The following TLK1 variants were observed in gnomAD, a reference collection of about 807,000 sequenced individuals.
TLK1 encodes the protein serine/threonine-protein kinase tousled-like 1.
A neutral mutation model predicts 105.3 loss-of-function variants in TLK1; 24 were observed. The ratio of observed to expected loss-of-function variants is 0.23; its 90% CI spans 0.17 to 0.32. TLK1 has a LOEUF of 0.32. Ranked by LOEUF, TLK1 falls within the 10% of genes least tolerant of loss-of-function variation. TLK1 has a pLI of 1.00. For missense variants in TLK1, 558 were observed against 910.5 expected, an observed-to-expected ratio of 0.61 and a Z score of 4.98; for synonymous variants, 321 against 310.4, an observed-to-expected ratio of 1.03 and a Z score of -0.36.
chr2:171,078,739 A>G (rs955408223), intron 3 of TLK1, among the ~76,000 whole-genome samples: 3 of 152,230 alleles, frequency 2.0e-5, no homozygotes, highest in African/African-American at 7.2e-5. Context: ...TGAAAATACT[A>G]GTTAGAAGTC....
chr2:171,137,378 A>C (rs116838213), intron 1 of TLK1, among the ~76,000 whole-genome samples: 26 of 152,210 alleles, frequency 1.7e-4, no homozygotes, highest in Non-Finnish European at 8.8e-5. Context: ...TCAAAAAAGA[A>C]TATCAACAAA....
upstream of TLK1, among the ~76,000 whole-genome samples, chr2:171,161,168 A>AGCGTCCCCGCGCCGGCCGGAGGGAGGC: frequency 6.8e-6 from 1 of 145,988 alleles, no homozygotes; most frequent in Non-Finnish European, 1.5e-5. Context: ...GCGCGGGGGC[A>AGCGTCCCCGCGCCGGCCGGAGGGAGGC]GCGTCCCCGC....
At chr2:171,036,938 T>C (rs186421093) in intron 11 of TLK1, among the ~76,000 whole-genome samples, 2 of 152,212 alleles carry the variant, frequency 1.3e-5, no homozygotes, top group East Asian at 3.9e-4. Context: ...TCCTAGTCTT[T>C]AAAAAAGGCT....
intron 14 of TLK1, among the ~76,000 whole-genome samples, chr2:171,010,195 T>C (rs1684844294): frequency 6.6e-6 from 1 of 152,042 alleles, no homozygotes; most frequent in African/African-American, 2.4e-5. Flanking sequence ...ACATTAATAA[T>C]AGCAGGAACT....
At chr2:171,069,780 G>A (rs1254277467) in intron 3 of TLK1, among the ~76,000 whole-genome samples, 1 of 152,140 alleles carries the variant, frequency 6.6e-6, no homozygotes, top group Non-Finnish European at 1.5e-5. Flanking sequence ...ATGATTTATG[G>A]ATTATGTATT....
chr2:171,075,984 G>C (rs552470783), intron 3 of TLK1, among the ~76,000 whole-genome samples: 18 of 152,290 alleles, frequency 1.2e-4, no homozygotes, highest in South Asian at 1.0e-3. Flanking sequence ...TTGGGAGGAT[G>C]AAGTGGGCAG....
intron 18 of TLK1, among the ~76,000 whole-genome samples, chr2:171,002,778 G>A (rs988983081): frequency 1.3e-5 from 2 of 151,998 alleles, no homozygotes; most frequent in South Asian, 4.2e-4. Flanking sequence ...TGGGATTACA[G>A]GTGTGTGCCA....
intron 1 of TLK1, among the ~76,000 whole-genome samples, chr2:171,171,438 G>T (rs1388994401): frequency 6.6e-6 from 1 of 150,998 alleles, no homozygotes; most frequent in Non-Finnish European, 1.5e-5. Context: ...GGAGGCAGAG[G>T]CAGGAAGATT....
chr2:171,219,091 T>C (rs1001880829), intron 1 of TLK1, among the ~76,000 whole-genome samples: 57 of 152,102 alleles, frequency 3.7e-4, no homozygotes, highest in African/African-American at 1.3e-3. Flanking sequence ...CTCCTAACCA[T>C]ATCAAAAGTA....
intron 9 of TLK1, 57 bp from the exon 10 acceptor site, chr2:171,050,007 A>G: frequency 6.2e-7 from 1 of 1,610,844 alleles, no homozygotes; most frequent in Non-Finnish European, 8.5e-7. Flanking sequence ...ATAAAAGCAT[A>G]CAAAGCAAAA....
At position 171,049,914 on chromosome 2, in the gene TLK1, T is replaced by C; in HGVS notation, c.880A>G (p.Met294Val). 1 of 1,613,866 alleles carries C rather than the reference T, an allele frequency of 6.2e-7. No homozygotes were observed. ...TGCCCGAGGCGTAATCGATCTTGCATACTCTTCTCTCTGCTTGACAGCTTT... is the reference window on the plus strand; with the variant it reads ...TGCCCGAGGCGTAATCGATCTTGCACACTCTTCTCTCTGCTTGACAGCTTT... ...QEKLSSREKS[M>V]QDRLRLGHFT... The change falls in exon 10 of 21, where the codon ATG becomes GTG. Residue 294 changes from methionine (M) to valine (V), a missense_variant. Physicochemically the swap from Met to Val is conservative, Grantham distance 21. Transcript: ENST00000431350.
chr2:171,062,957 T>C (rs1362588277), intron 3 of TLK1, among the ~76,000 whole-genome samples: 4 of 152,210 alleles, frequency 2.6e-5, no homozygotes, highest in Admixed American at 6.5e-5. Context: ...TTTTGTTTCA[T>C]TGTCAAAATT....
intron 3 of TLK1, chr2:171,067,011 C>G: frequency 6.7e-7 from 1 of 1,495,264 alleles, no homozygotes; most frequent in Non-Finnish European, 8.9e-7. Context: ...ACTTTTGACC[C>G]ATTGTGACAC....
chr2:171,151,618 G>A (rs1490705145), intron 1 of TLK1, among the ~76,000 whole-genome samples: 3 of 151,690 alleles, frequency 2.0e-5, no homozygotes, highest in African/African-American at 4.8e-5. Context: ...GGGACTACAG[G>A]CGCCCACCAC....
In TLK1 at chr2:171,014,842, A is replaced by G. The variant is rs1023436423; in HGVS notation, c.1334+9T>C. 1 of 1,596,606 alleles carries G rather than the reference A, an allele frequency of 6.3e-7. No homozygotes were observed. Among genetic ancestry groups the G allele is most frequent in the Non-Finnish European group, 8.6e-7 (1 of 1,164,878 alleles). The stretch of plus-strand genomic sequence containing the variant: ...AATATGAAACTGTGAAATGCAAATA[A>G]TGACTTACTGTGAATTATCTTCATT... On this transcript the variant is annotated intron_variant, in intron 13 of 20. Transcript: ENST00000431350.
intron 1 of TLK1, among the ~76,000 whole-genome samples, chr2:171,122,505 T>C (rs1349735980): frequency 6.6e-6 from 1 of 152,184 alleles, no homozygotes; most frequent in African/African-American, 2.4e-5. Flanking sequence ...AATTACTATA[T>C]ACATTCATGT....
intron 20 of TLK1, among the ~76,000 whole-genome samples, chr2:170,995,712 TG>T (rs1347245970): frequency 6.6e-6 from 1 of 152,244 alleles, no homozygotes; most frequent in Non-Finnish European, 1.5e-5. Context: ...TTATCTCTTT[TG>T]TTTTTTTGAG....
intron 1 of TLK1, among the ~76,000 whole-genome samples, chr2:171,194,260 G>T (rs906649844): frequency 6.6e-6 from 1 of 152,086 alleles, no homozygotes; most frequent in East Asian, 1.9e-4. Flanking sequence ...TGCCATTTGT[G>T]GACTGTACAA....
chr2:171,023,437 A>ACACC (rs1290512161), intron 12 of TLK1, among the ~76,000 whole-genome samples: 1 of 151,748 alleles, frequency 6.6e-6, no homozygotes, highest in South Asian at 2.1e-4. Context: ...ACACACACAC[A>ACACC]CCAAAACACA....
Sources: gnomAD v4.1 joint callset for allele counts (sites outside exome capture counted in the v4.1 genomes callset) on GRCh38, gnomAD v4.1.1 for gene constraint, MANE v1.5 for transcripts, NCBI Gene and HGNC (gene_info 2026-07-23, HGNC 2026-07-21) for gene names.